TRDN: variants seen among roughly 807,000 people sequenced by gnomAD.
TRDN encodes triadin in skeletal muscle.
A neutral mutation model predicts 149.7 loss-of-function variants in TRDN; 161 were observed. That is an observed-to-expected ratio of 1.08 (90% CI 0.95 to 1.23). The LOEUF (loss-of-function observed/expected upper bound fraction) is 1.23. TRDN is among the 50% of genes most tolerant of loss of function. The pLI is 0.00. For missense variants in TRDN, 896 were observed against 823.5 expected (o/e 1.09, Z -1.08); for synonymous variants, 294 against 250.5 (o/e 1.17, Z -1.64).
intron 24 of TRDN, among the ~76,000 whole-genome samples, chr6:123,286,027 G>A (rs1275224474): frequency 1.3e-5 from 2 of 152,034 alleles, no homozygotes; most frequent in Non-Finnish European, 2.9e-5. Flanking sequence ...AAAAATAATA[G>A]ATGTTGTCAT....
intron 38 of TRDN, among the ~76,000 whole-genome samples, chr6:123,230,259 C>A (rs1165237744): frequency 2.0e-5 from 3 of 151,786 alleles, no homozygotes; most frequent in Non-Finnish European, 4.4e-5. Context: ...AACCTGGAAA[C>A]CATCATTCTC....
At chr6:123,496,010 C>T (rs1182044311) in intron 9 of TRDN, among the ~76,000 whole-genome samples, 1 of 147,930 alleles carries the variant, frequency 6.8e-6, no homozygotes, top group Admixed American at 6.8e-5. Context: ...TGCTATGATA[C>T]TATACACAAA....
At chr6:123,560,545 C>A (rs1365578834) in intron 2 of TRDN, among the ~76,000 whole-genome samples, 2 of 152,122 alleles carry the variant, frequency 1.3e-5, no homozygotes, top group Non-Finnish European at 2.9e-5. Flanking sequence ...CAACGCTTAT[C>A]CTGATAAGGT....
chr6:123,369,104 T>C (rs1486148855), intron 19 of TRDN, among the ~76,000 whole-genome samples: 1 of 152,148 alleles, frequency 6.6e-6, no homozygotes, highest in East Asian at 1.9e-4. Context: ...GAAGAATCCT[T>C]CCTTGCCTCC....
At chr6:123,467,401 T>G (rs1583088998) in intron 9 of TRDN, among the ~76,000 whole-genome samples, 1 of 151,948 alleles carries the variant, frequency 6.6e-6, no homozygotes, top group African/African-American at 2.4e-5. Context: ...TAAAGTGCAA[T>G]ATGCAGTTGA....
At chr6:123,431,448 A>T (rs1774339318) in intron 12 of TRDN, among the ~76,000 whole-genome samples, 1 of 152,162 alleles carries the variant, frequency 6.6e-6, no homozygotes, top group South Asian at 2.1e-4. Context: ...ATCCTGAAAA[A>T]ATTTATCTAG....
At chr6:123,611,461 T>G (rs1259462951) in intron 1 of TRDN, among the ~76,000 whole-genome samples, 3 of 152,212 alleles carry the variant, frequency 2.0e-5, no homozygotes, top group African/African-American at 7.2e-5. Context: ...TATGTATGTA[T>G]GATTCATGCA....
chr6:123,622,526 G>A (rs905815346), intron 1 of TRDN, among the ~76,000 whole-genome samples: 2 of 152,110 alleles, frequency 1.3e-5, no homozygotes, highest in Non-Finnish European at 2.9e-5. Context: ...AACCGCATAT[G>A]TGAGTTATGA....
At chr6:123,523,969 T>A (rs1313516362) in intron 5 of TRDN, among the ~76,000 whole-genome samples, 2 of 152,104 alleles carry the variant, frequency 1.3e-5, no homozygotes, top group African/African-American at 4.8e-5. Context: ...AGCCATGAGT[T>A]CAACAGACAG....
At chr6:123,399,909 T>C (rs905335668) in intron 12 of TRDN, among the ~76,000 whole-genome samples, 1 of 152,054 alleles carries the variant, frequency 6.6e-6, no homozygotes, top group Non-Finnish European at 1.5e-5. Flanking sequence ...ATGATTTCCT[T>C]AGGAGAAGAA....
At chr6:123,584,968 A>C (rs921444962) in intron 1 of TRDN, among the ~76,000 whole-genome samples, 3 of 152,106 alleles carry the variant, frequency 2.0e-5, no homozygotes, top group African/African-American at 4.8e-5. Flanking sequence ...ATAGGCTTTA[A>C]ATGGCCATGC....
chr6:123,517,057 C>A (rs1027905547), intron 5 of TRDN, among the ~76,000 whole-genome samples: 1 of 152,076 alleles, frequency 6.6e-6, no homozygotes, highest in African/African-American at 2.4e-5. Context: ...TTCCTGTCGC[C>A]ATGATGTCAA....
Position 123,224,342 on chromosome 6 carries a change from T to C in TRDN, c.1976-211A>G, listed in dbSNP as rs1489837859. Among the ~76,000 whole-genome samples the C allele has an allele frequency of 3.3e-5, 5 of 151,722 alleles. No homozygotes were observed. The East Asian group carries it at 7.8e-4, about 24-fold the overall frequency. ...GGAGAAAATGATGAGTGCTGCACTATGGTAATCAGGCTGGTAAAGGTTACT... is the reference window on the plus strand; with the variant it reads ...GGAGAAAATGATGAGTGCTGCACTACGGTAATCAGGCTGGTAAAGGTTACT... On this transcript the variant is annotated intron_variant, in intron 38 of 40. Coordinates refer to ENST00000334268, the MANE Select transcript of TRDN (RefSeq NM_006073.4).
intron 22 of TRDN, among the ~76,000 whole-genome samples, chr6:123,336,390 C>T (rs569846754): frequency 6.6e-5 from 10 of 152,062 alleles, no homozygotes; most frequent in African/African-American, 2.4e-4. Flanking sequence ...AAGTAGGTAT[C>T]AAGGTGCCTG....
chr6:123,618,385 A>G (rs1177489969), intron 1 of TRDN, among the ~76,000 whole-genome samples: 1 of 152,018 alleles, frequency 6.6e-6, no homozygotes, highest in Non-Finnish European at 1.5e-5. Flanking sequence ...GTGCTGGCTG[A>G]TTGCATCTCC....
At chr6:123,499,703 CAAAA>C (rs775014014) in intron 8 of TRDN, among the ~76,000 whole-genome samples, 6 of 22,816 alleles carry the variant, frequency 2.6e-4, no homozygotes, top group African/African-American at 8.3e-4. Context: ...GATTCTGGCT[CAAAA>C]AAAAAAAAAA....
intron 35 of TRDN, among the ~76,000 whole-genome samples, chr6:123,258,559 G>A (rs947225947): frequency 6.6e-5 from 10 of 152,164 alleles, no homozygotes; most frequent in African/African-American, 1.2e-4. Flanking sequence ...GAGGATTTTC[G>A]CATCGATATT....
At chr6:123,244,797 A>G (rs1209989189) in intron 38 of TRDN, among the ~76,000 whole-genome samples, 1 of 152,190 alleles carries the variant, frequency 6.6e-6, no homozygotes, top group Non-Finnish European at 1.5e-5. Flanking sequence ...TAGCCATCAG[A>G]TTCACCAAGG....
intron 9 of TRDN, among the ~76,000 whole-genome samples, chr6:123,495,382 G>T (rs1778404021): frequency 6.6e-6 from 1 of 151,992 alleles, no homozygotes; most frequent in Middle Eastern, 3.4e-3. Context: ...AGCCGAGTAT[G>T]TTGGCAGGGG....
Sources: allele counts gnomAD v4.1 joint callset (sites outside exome capture counted in the v4.1 genomes callset), GRCh38; gene constraint gnomAD v4.1.1; transcripts MANE v1.5; gene names NCBI Gene and HGNC (gene_info 2026-07-23, HGNC 2026-07-21).